MED14: variants seen among roughly 807,000 people sequenced by gnomAD.
MED14 encodes mediator complex subunit 14, also known as mediator of RNA polymerase II transcription subunit 14.
A neutral mutation model predicts 109.0 loss-of-function variants in MED14; 8 were observed. The ratio of observed to expected loss-of-function variants is 0.07; its 90% CI spans 0.04 to 0.13. The LOEUF (loss-of-function observed/expected upper bound fraction) is 0.13, where lower values mean the gene tolerates loss of function less well. Among genes scored for constraint, MED14 ranks in the 10% least tolerant of loss-of-function variants. MED14 has a pLI of 1.00. For missense variants in MED14, 711 were observed against 1,142.4 expected, an observed-to-expected ratio of 0.62 and a Z score of 5.44; for synonymous variants, 399 against 408.7, an observed-to-expected ratio of 0.98 and a Z score of 0.29.
At chrX:40,720,280 G>A (rs1931667221) in intron 3 of MED14, among the ~76,000 whole-genome samples, 2 of 112,043 alleles carry the variant, frequency 1.8e-5, no homozygotes, top group African/African-American at 6.5e-5. Flanking sequence ...GCATTGAGGA[G>A]GGCAGGAGAG....
intron 23 of MED14, among the ~76,000 whole-genome samples, chrX:40,668,477 C>T (rs992807848): frequency 1.0e-4 from 11 of 108,759 alleles, no homozygotes; most frequent in Admixed American, 7.8e-4. Flanking sequence ...AACAGTGAAA[C>T]GTTAACTTAT....
At chrX:40,714,430 T>C in intron 4 of MED14, 107 bp downstream of exon 4, 1 of 872,834 alleles carries the variant, frequency 1.1e-6, no homozygotes, top group Non-Finnish European at 1.6e-6. Flanking sequence ...AAACTATATG[T>C]ACTGTTTGTT....
chrX:40,677,772 AG>A (rs1441151255), intron 21 of MED14, among the ~76,000 whole-genome samples: 2 of 111,886 alleles, frequency 1.8e-5, no homozygotes, highest in African/African-American at 6.5e-5. Flanking sequence ...AAAACAATGG[AG>A]ATGAACCAAG....
At chrX:40,700,271 G>A (rs1183862887) in intron 12 of MED14, among the ~76,000 whole-genome samples, 2 of 103,736 alleles carry the variant, frequency 1.9e-5, no homozygotes, top group East Asian at 6.0e-4. Flanking sequence ...TAGAAGAATC[G>A]CTTGAGCCTG....
intron 26 of MED14, among the ~76,000 whole-genome samples, chrX:40,660,918 C>A (rs368597763): frequency 8.9e-6 from 1 of 112,651 alleles, no homozygotes; most frequent in African/African-American, 3.2e-5. Flanking sequence ...ATTTTTAATT[C>A]TTTTTTTATT....
chrX:40,734,776 A>G (rs1004160167), intron 1 of MED14, among the ~76,000 whole-genome samples: 6 of 112,981 alleles, frequency 5.3e-5, no homozygotes, highest in Non-Finnish European at 7.5e-5. Context: ...TATTTTATAC[A>G]CAACGTATGT....
At chrX:40,658,980 G>A (rs954405867) in intron 28 of MED14, among the ~76,000 whole-genome samples, 1 of 112,091 alleles carries the variant, frequency 8.9e-6, no homozygotes, top group African/African-American at 3.2e-5. Flanking sequence ...CAGGGATAGA[G>A]GGGACAGGGA....
At chrX:40,709,030 G>A (rs56986378) in intron 10 of MED14, among the ~76,000 whole-genome samples, 31,906 of 110,012 alleles carry the variant, frequency 0.29, 4,246 homozygotes, top group African/African-American at 0.52. Context: ...CTTGTCTAAA[G>A]CTCCTGGCCT....
At chrX:40,722,283 A>T (rs1189338656) in intron 3 of MED14, among the ~76,000 whole-genome samples, 1 of 112,254 alleles carries the variant, frequency 8.9e-6, no homozygotes, top group African/African-American at 3.2e-5. Flanking sequence ...TTTAAAAATC[A>T]AGCAGAAATT....
chrX:40,714,668 C>A lies in MED14; in HGVS notation c.391G>T (p.Asp131Tyr). The A allele has an allele frequency of 8.3e-7, 1 of 1,211,190 alleles. No individual in the cohort carries two copies. Among genetic ancestry groups the A allele is most frequent in the Non-Finnish European group, 1.1e-6 (1 of 895,229 alleles). The stretch of plus-strand genomic sequence containing the variant: ...AACGAGGCCAGGCGATCAGCAGTGT[C>A]CACAAACAGGATGGCTTGCTGATCT... Reference protein sequence around the residue: ...FLDQQAILFVDTADRLASLAR... With the variant: ...FLDQQAILFVYTADRLASLAR... The change falls in exon 4 of 31, where the codon GAC becomes TAC. Residue 131 changes from aspartate to tyrosine, a missense_variant. By Grantham distance (160) the Asp-to-Tyr change is radical (BLOSUM62 -3). Around this residue, in one of 8 missense-constraint regions of MED14, gnomAD observed 31 missense variants for 79.3 expected, o/e 0.39. Coordinates refer to ENST00000324817, the MANE Select transcript of MED14 (RefSeq NM_004229.4).
chrX:40,710,099 T>C lies in MED14; in HGVS notation c.1053A>G (p.Thr351=), dbSNP rs368528520. The C allele has an allele frequency of 8.5e-7, 1 of 1,178,702 alleles. No individual in the cohort carries two copies. Among genetic ancestry groups the C allele is most frequent in the Non-Finnish European group, 1.1e-6 (1 of 880,514 alleles). ...TAATTGTAACTTTGTGAACAGATGC[T>C]GTTCCAGTTTTTCTCCCAAGAACCT... ...NQQVLGRKTG[T]ASVHKVTIKI... is the part of the protein sequence containing the mutation. The change falls in exon 9 of 31, where the codon ACA becomes ACG. Residue 351 remains threonine, a synonymous_variant. Coordinates refer to ENST00000324817, the MANE Select transcript of MED14 (RefSeq NM_004229.4).
chrX:40,663,411 C>G (rs1929360737), intron 25 of MED14, among the ~76,000 whole-genome samples: 1 of 42,194 alleles, frequency 2.4e-5, no homozygotes, highest in Non-Finnish European at 4.2e-5. Flanking sequence ...TATTTCTCCA[C>G]CTGAAACCTG....
intron 23 of MED14, among the ~76,000 whole-genome samples, chrX:40,668,260 G>A (rs1457118748): frequency 9.2e-6 from 1 of 109,198 alleles, no homozygotes; most frequent in Non-Finnish European, 1.9e-5. Flanking sequence ...GCATGTGCCT[G>A]TAATCCCAGC....
intron 11 of MED14, 57 bp downstream of exon 11, chrX:40,703,383 TTTTG>T: frequency 3.0e-6 from 3 of 1,010,731 alleles, no homozygotes; most frequent in Non-Finnish European, 4.2e-6. Context: ...AAAATGTTTA[TTTTG>T]TTTTTGTTAA....
rs764335018 is a variant in MED14 at position 40,712,283 on chromosome X, A to G, written c.792T>C (p.Ala264=). 7.5e-6 allele frequency: 9 copies of G among 1,202,931 alleles called. No homozygotes were observed. The East Asian group carries it at 2.7e-4, about 36-fold the overall frequency. Residue 264 remains alanine, a synonymous_variant, in exon 7 of 31, where the codon GCT becomes GCC. Transcript: ENST00000324817. ...AGCTGATTTGCATGCTATGAACCAA[A>G]GCTCGCCCATCTTCCGTTGGCAGAA... ...VEDKETGDGR[A]LVHSMQISFI... is the part of the protein sequence containing the mutation.
chrX:40,726,210 T>C lies in MED14; in HGVS notation c.348+536A>G, dbSNP rs777016851. 5.4e-5 allele frequency among the ~76,000 whole-genome samples: 6 copies of C among 111,388 alleles called. No homozygotes were observed. The South Asian group carries it at 2.3e-3, about 42-fold the overall frequency. On this transcript the variant is annotated intron_variant, in intron 3 of 30. Coordinates refer to ENST00000324817, the MANE Select transcript of MED14 (RefSeq NM_004229.4). ...ATGAGGTTCTCGAAGGCAGGGACTA[T>C]TCCTTATTGAAGATTCCATCCTCTG...
intron 13 of MED14, among the ~76,000 whole-genome samples, chrX:40,694,784 G>T (rs935100474): frequency 8.9e-6 from 1 of 112,393 alleles, no homozygotes; most frequent in African/African-American, 3.2e-5. Context: ...TTGGAAAACA[G>T]TTGGCAGTTT....
Position 40,650,274 on chromosome X carries a change from AAAG to A in MED14, c.*1529_*1531del. 5.3e-6 allele frequency: 4 copies of A among 753,162 alleles called. No homozygotes were observed. Among genetic ancestry groups the A allele is most frequent in the African/African-American group, 2.3e-5 (1 of 43,921 alleles). The allele number at this position is 753,162 out of a possible 1,213,427, so 62.1% of individuals were successfully genotyped here. Reference sequence around the variant, plus strand: ...TGGGAGATGAAGGCAGAAATAAGACAAAGAAGAAAGGCAAAGAAGGCTTCAACT... The same window carrying A: ...TGGGAGATGAAGGCAGAAATAAGACAAAGAAAGGCAAAGAAGGCTTCAACT... On this transcript the variant is annotated 3_prime_UTR_variant, in exon 31 of 31. Coordinates refer to ENST00000324817, the MANE Select transcript of MED14 (RefSeq NM_004229.4).
At chrX:40,689,722 A>G (rs1930429773) in intron 15 of MED14, among the ~76,000 whole-genome samples, 1 of 111,740 alleles carries the variant, frequency 8.9e-6, no homozygotes, top group South Asian at 3.7e-4. Flanking sequence ...AACATCCCTT[A>G]TAAGATGAGA....
Sources: gnomAD v4.1 joint callset for allele counts (sites outside exome capture counted in the v4.1 genomes callset) on GRCh38, gnomAD v4.1.1 for gene constraint, gnomAD v4.1.1 regional missense constraint, MANE v1.5 for transcripts, NCBI Gene and HGNC (gene_info 2026-07-23, HGNC 2026-07-21) for gene names.